ANKRD12: variants seen among roughly 807,000 people sequenced by gnomAD.
The protein encoded by ANKRD12 is ankyrin repeat domain-containing protein 12.
Under a neutral mutation model 183.4 loss-of-function variants are expected in ANKRD12, and 85 were observed. That is an observed-to-expected ratio of 0.46 (90% confidence interval 0.39 to 0.56). The LOEUF is 0.56. Ranked by LOEUF, ANKRD12 falls within the 20% of genes least tolerant of loss-of-function variation. The probability of loss-of-function intolerance (pLI) is 0.00; values close to 1 mark genes in which losing one functional copy is unlikely to be tolerated. For synonymous variants in ANKRD12, 914 were observed against 800.2 expected (o/e 1.14, Z -2.40); for missense variants, 2,405 against 2,357.1 (o/e 1.02, Z -0.42).
intron 1 of ANKRD12, among the ~76,000 whole-genome samples, chr18:9,160,030 G>A (rs2031186585): frequency 6.6e-6 from 1 of 151,962 alleles, no homozygotes; most frequent in Non-Finnish European, 1.5e-5. Flanking sequence ...CGCACTTTGG[G>A]AGTCCGAGGT....
At chr18:9,246,532 C>T (rs2037972463) in intron 8 of ANKRD12, among the ~76,000 whole-genome samples, 1 of 151,910 alleles carries the variant, frequency 6.6e-6, no homozygotes, top group South Asian at 2.1e-4. Context: ...TCTAAAGGAC[C>T]ACATACTTCC....
chr18:9,234,026 G>T (rs1267755623), intron 8 of ANKRD12, among the ~76,000 whole-genome samples: 1 of 151,734 alleles, frequency 6.6e-6, no homozygotes, highest in Non-Finnish European at 1.5e-5. Context: ...GTGAATGCTG[G>T]TGTTGGCAGT....
At position 9,185,478 on chromosome 18, in the gene ANKRD12, A is replaced by G. The variant is rs537261139; in HGVS notation, c.87+2959A>G. On this transcript the variant is annotated intron_variant, in intron 2 of 12. Coordinates refer to ENST00000262126, the MANE Select transcript of ANKRD12 (RefSeq NM_015208.5). Reference sequence around the variant, plus strand: ...GGGCCATTTCCTGAAAGGAAATTCAAGAGAAAGAACAGGTTGTTTTGAATA... The same window carrying G: ...GGGCCATTTCCTGAAAGGAAATTCAGGAGAAAGAACAGGTTGTTTTGAATA... 7.2e-5 allele frequency among the ~76,000 whole-genome samples: 11 copies of G among 152,354 alleles called. No individual in the cohort carries two copies. The East Asian group carries it at 2.1e-3, about 29-fold the overall frequency.
chr18:9,218,061 ATAT>A (rs370983504), intron 7 of ANKRD12, among the ~76,000 whole-genome samples: 58 of 152,362 alleles, frequency 3.8e-4, no homozygotes, highest in African/African-American at 5.8e-4. Flanking sequence ...CTTTTAAAAA[ATAT>A]TATTGATAGT....
Position 9,258,420 on chromosome 18 carries a change from TAGA to T in ANKRD12, c.5158_5160del (p.Glu1720del), listed in dbSNP as rs2038769348. On this transcript the variant is annotated inframe_deletion, in exon 9 of 13. Coordinates refer to ENST00000262126, the MANE Select transcript of ANKRD12 (RefSeq NM_015208.5). ...TATGGTCAGTTAGTTAAAGTAGAAT[TAGA>T]AGAAAATGCCGAAGATGATAAAACT... 1 of 1,613,712 alleles carries T rather than the reference TAGA, an allele frequency of 6.2e-7. No individual in the cohort carries two copies. The highest frequency in any genetic ancestry group is 8.5e-7 in the Non-Finnish European group (1 of 1,179,928).
rs56865352 is a variant in ANKRD12 at position 9,184,902 on chromosome 18, C to T, written c.87+2383C>T. Among the ~76,000 whole-genome samples the T allele has an allele frequency of 3.9e-5, 6 of 152,034 alleles. No individual in the cohort carries two copies. In the East Asian group the frequency reaches 5.8e-4, roughly 15 times the overall value. On this transcript the variant is annotated intron_variant, in intron 2 of 12. Coordinates refer to ENST00000262126, the MANE Select transcript of ANKRD12 (RefSeq NM_015208.5). ...TTGCAGATCTCCTCAGTTGATCTCA[C>T]GGACTATAATTTGAGAACTGCTATA...
At chr18:9,157,602 T>C (rs2030785581) in intron 1 of ANKRD12, among the ~76,000 whole-genome samples, 1 of 118,826 alleles carries the variant, frequency 8.4e-6, no homozygotes, top group African/African-American at 2.7e-5. Context: ...TATATATATG[T>C]ATTTTTTTTT....
At chr18:9,158,746 A>G (rs557988964) in intron 1 of ANKRD12, among the ~76,000 whole-genome samples, 1 of 152,242 alleles carries the variant, frequency 6.6e-6, no homozygotes, top group South Asian at 2.1e-4. Flanking sequence ...TACCCAGGCC[A>G]CACTTACATG....
At chr18:9,231,361 CTATTG>C (rs1219915280) in intron 8 of ANKRD12, among the ~76,000 whole-genome samples, 46 of 152,030 alleles carry the variant, frequency 3.0e-4, no homozygotes. Context: ...TCCCCCGTTA[CTATTG>C]TATTGGAGTC....
chr18:9,147,134 T>C (rs533193855), intron 1 of ANKRD12, among the ~76,000 whole-genome samples: 3 of 152,340 alleles, frequency 2.0e-5, no homozygotes, highest in African/African-American at 4.8e-5. Flanking sequence ...CTCAGGCTTA[T>C]ATTGCAGAAG....
chr18:9,150,426 T>G (rs1370411222), intron 1 of ANKRD12, among the ~76,000 whole-genome samples: 1 of 152,178 alleles, frequency 6.6e-6, no homozygotes, highest in African/African-American at 2.4e-5. Flanking sequence ...GAATTTTTTT[T>G]GCTGATAAAA....
At chr18:9,220,689 A>C (rs1051345872) in intron 7 of ANKRD12, among the ~76,000 whole-genome samples, 2 of 152,198 alleles carry the variant, frequency 1.3e-5, no homozygotes, top group Admixed American at 1.3e-4. Context: ...GTGTCCAGTG[A>C]GTATTTGAAT....
chr18:9,244,369 G>C (rs2037833219), intron 8 of ANKRD12, among the ~76,000 whole-genome samples: 1 of 151,322 alleles, frequency 6.6e-6, no homozygotes, highest in South Asian at 2.1e-4. Context: ...TCTTTTTTTT[G>C]AGATGAGGTC....
chr18:9,250,476 T>C (rs1371880805), intron 8 of ANKRD12, among the ~76,000 whole-genome samples: 2 of 152,104 alleles, frequency 1.3e-5, no homozygotes, highest in African/African-American at 4.8e-5. Context: ...CCCAGCACTT[T>C]GGGAGGCTGA....
chr18:9,258,905 C>T lies in ANKRD12; in HGVS notation c.5638C>T (p.Pro1880Ser). 6.2e-7 allele frequency: 1 copy of T among 1,607,696 alleles called. No homozygotes were observed. Among genetic ancestry groups the T allele is most frequent in the Non-Finnish European group, 8.5e-7 (1 of 1,176,596 alleles). Residue 1880 changes from proline to serine, a missense_variant, in exon 9 of 13, where the codon CCC (proline) becomes TCC (serine). Coordinates refer to ENST00000262126, the MANE Select transcript of ANKRD12 (RefSeq NM_015208.5). The part of the protein sequence containing the change: ...FNGSYLLDGN[P>S]LSKICIPTIT... The stretch of plus-strand genomic sequence containing the variant: ...CGGATCATATCTCCTGGATGGAAAC[C>T]CCTTAAGCAAGATTTGTATTCCCAC...
chr18:9,229,648 T>C (rs1258281217), intron 8 of ANKRD12, among the ~76,000 whole-genome samples: 1 of 152,222 alleles, frequency 6.6e-6, no homozygotes, highest in East Asian at 1.9e-4. Context: ...TTTTTGTATT[T>C]TGACTTTGTA....
rs2038792191 is a variant in ANKRD12 at position 9,258,772 on chromosome 18, A to C, written c.5505A>C (p.Pro1835=). 2 of 1,613,942 alleles carry C rather than the reference A, an allele frequency of 1.2e-6. No individual in the cohort carries two copies. Among genetic ancestry groups the C allele is most frequent in the Non-Finnish European group, 1.7e-6 (2 of 1,179,886 alleles). ...IQPYSSERAN[P]YFEYLHIRKK... ...CATACAGTTCAGAGAGAGCAAATCC[A>C]TATTTTGAATACTTGCACATAAGGA... Residue 1835 remains proline, a synonymous_variant, in exon 9 of 13, where the codon CCA becomes CCC. Transcript: ENST00000262126.
At chr18:9,246,474 A>G (rs1217666642) in intron 8 of ANKRD12, among the ~76,000 whole-genome samples, 1 of 152,130 alleles carries the variant, frequency 6.6e-6, no homozygotes, top group Non-Finnish European at 1.5e-5. Context: ...TTATATCTAT[A>G]TATTTCCATT....
chr18:9,174,103 C>G (rs550432544), intron 1 of ANKRD12, among the ~76,000 whole-genome samples: 1 of 152,230 alleles, frequency 6.6e-6, no homozygotes, highest in Admixed American at 6.5e-5. Context: ...AGCAGCTGTG[C>G]TGCCCTGTGA....
Sources: gnomAD v4.1 joint callset for allele counts (sites outside exome capture counted in the v4.1 genomes callset) on GRCh38, gnomAD v4.1.1 for gene constraint, MANE v1.5 for transcripts, NCBI Gene and HGNC (gene_info 2026-07-23, HGNC 2026-07-21) for gene names.